ADGRA2: variants seen among roughly 807,000 people sequenced by gnomAD.
ADGRA2 encodes G-protein coupled receptor 124.
In ADGRA2, 61 loss-of-function variants were observed where a neutral mutation model predicts 98.7. The ratio of observed to expected loss-of-function variants is 0.62; its 90% CI spans 0.50 to 0.76. ADGRA2 has a LOEUF of 0.76. ADGRA2 is among the 30% of genes least tolerant of loss of function. ADGRA2 has a pLI of 0.00. For synonymous variants in ADGRA2, 858 were observed against 831.5 expected (o/e 1.03, Z -0.55); for missense variants, 1,712 against 1,860.0 (o/e 0.92, Z 1.46).
Position 37,821,355 on chromosome 8 carries a change from C to T in ADGRA2, c.338+6388C>T, listed in dbSNP as rs118075398. On this transcript the variant is annotated intron_variant, in intron 2 of 18. Transcript: ENST00000412232. The stretch of plus-strand genomic sequence containing the variant: ...GTATATGGCAGGCAGTTCCCTTCCC[C>T]TCTGAAGATTTCCCAGTTGCTAGAT... Among the ~76,000 whole-genome samples the T allele has an allele frequency of 2.8e-3, 423 of 152,316 alleles. 2 individuals are homozygous for T. The highest frequency in any genetic ancestry group is 0.011 in the East Asian group (59 of 5,180).
Position 37,841,908 on chromosome 8 carries a change from C to A in ADGRA2, c.3570C>A (p.His1190Gln), listed in dbSNP as rs1208628336. ...RRAHKSRAKGHRAGEACGKNR... is the reference protein window; with the variant it reads ...RRAHKSRAKGQRAGEACGKNR... ...CGCACAAGAGCCGGGCCAAGGGACA[C>A]CGCGCGGGGGAGGCCTGCGGCAAGA... Residue 1190 changes from histidine (H) to glutamine (Q), a missense_variant, in exon 19 of 19, where the codon CAC becomes CAA. His to Gln is a conservative substitution (Grantham distance 24, BLOSUM62 0). Coordinates refer to ENST00000412232, the MANE Select transcript of ADGRA2 (RefSeq NM_032777.10). The surrounding 1 kb of genome is among the most constrained non-coding windows in gnomAD (Gnocchi z 5.0). 1 of 1,530,700 alleles carries A rather than the reference C, an allele frequency of 6.5e-7. No homozygotes were observed. The highest frequency in any genetic ancestry group is 2.5e-5 in the East Asian group (1 of 40,402). 94.8% of individuals were successfully genotyped at this position (1,530,700 alleles called of 1,614,324 possible).
At chr8:37,812,171 T>TTGG (rs1032137642) in intron 1 of ADGRA2, among the ~76,000 whole-genome samples, 28 of 152,142 alleles carry the variant, frequency 1.8e-4, no homozygotes, top group African/African-American at 6.3e-4. Context: ...GTTGTTGTTG[T>TTGG]TGTTGTTGTT....
intron 1 of ADGRA2, among the ~76,000 whole-genome samples, chr8:37,801,282 C>G (rs1478055717): frequency 6.6e-6 from 1 of 152,208 alleles, no homozygotes; most frequent in African/African-American, 2.4e-5. Context: ...TTCCTGATCC[C>G]TCTGTCCCAC....
chr8:37,817,776 G>A (rs191296144), intron 2 of ADGRA2, among the ~76,000 whole-genome samples: 115 of 152,276 alleles, frequency 7.6e-4, no homozygotes, highest in Admixed American at 5.2e-3. Flanking sequence ...CAGCACTTTG[G>A]GAGGCCATGG....
At chr8:37,815,470 G>A (rs546392998) in intron 2 of ADGRA2, among the ~76,000 whole-genome samples, 1 of 152,346 alleles carries the variant, frequency 6.6e-6, no homozygotes, top group African/African-American at 2.4e-5. Context: ...AGCCGCCTGG[G>A]CAGTGGCAGC....
In ADGRA2 at chr8:37,814,927, C is replaced by T. The variant is rs267601911; in HGVS notation, c.298C>T (p.Arg100Cys). 49 of 1,613,072 alleles carry T rather than the reference C, an allele frequency of 3.0e-5. 1 individual carries two copies. In the South Asian group the frequency reaches 3.6e-4, roughly 12 times the overall value. The change falls in exon 2 of 19, where the codon CGC (arginine) becomes TGC (cysteine). Residue 100 changes from arginine (R) to cysteine (C), a missense_variant. By Grantham distance (180) the Arg-to-Cys change is radical. Coordinates refer to ENST00000412232, the MANE Select transcript of ADGRA2 (RefSeq NM_032777.10). The surrounding 1 kb of genome is among the most constrained non-coding windows in gnomAD (Gnocchi z 4.3). ...LLSNNKITGL[R>C]NGSFLGLSLL... ...GAGCAATAACAAGATCACGGGGCTC[C>T]GCAATGGCTCCTTCCTGGGACTGTC...
At chr8:37,816,909 G>T (rs1804995866) in intron 2 of ADGRA2, among the ~76,000 whole-genome samples, 1 of 140,720 alleles carries the variant, frequency 7.1e-6, no homozygotes, top group Non-Finnish European at 1.5e-5. Context: ...GAGCAAGACT[G>T]TCTCAAAAAG....
intron 1 of ADGRA2, among the ~76,000 whole-genome samples, chr8:37,803,404 G>T (rs1028360541): frequency 2.6e-5 from 4 of 152,190 alleles, no homozygotes; most frequent in African/African-American, 9.7e-5. Context: ...CAGAGAGCAG[G>T]GGCGGGGAGA....
At chr8:37,818,538 G>A (rs1404213797) in intron 2 of ADGRA2, among the ~76,000 whole-genome samples, 2 of 152,258 alleles carry the variant, frequency 1.3e-5, no homozygotes, top group African/African-American at 4.8e-5. Context: ...CGAGTCGTGC[G>A]ATGTAGGAGC....
At position 37,828,975 on chromosome 8, in the gene ADGRA2, T is replaced by C; in HGVS notation, c.410+16T>C. 2 of 1,537,438 alleles carry C rather than the reference T, an allele frequency of 1.3e-6. No homozygotes were observed. The highest frequency in any genetic ancestry group is 8.8e-7 in the Non-Finnish European group (1 of 1,142,192). Reference sequence around the variant, plus strand: ...TGAAGCGTTTGTGAGTGGCACGCCCTCCCCTGACCCCACCCCTCCCCTCCC... The same window carrying C: ...TGAAGCGTTTGTGAGTGGCACGCCCCCCCCTGACCCCACCCCTCCCCTCCC... On this transcript the variant is annotated intron_variant, in intron 3 of 18. Coordinates refer to ENST00000412232, the MANE Select transcript of ADGRA2 (RefSeq NM_032777.10).
chr8:37,811,665 G>A (rs1183091245), intron 1 of ADGRA2, among the ~76,000 whole-genome samples: 16 of 150,384 alleles, frequency 1.1e-4, no homozygotes, highest in African/African-American at 3.4e-4. Flanking sequence ...TGGTAGAGAC[G>A]GGGTTTCGCC....
rs765139370 is a variant in ADGRA2 at position 37,835,684 on chromosome 8, A to G, written c.1964A>G (p.His655Arg). The G allele has an allele frequency of 1.9e-6, 3 of 1,613,398 alleles. No homozygotes were observed. The highest frequency in any genetic ancestry group is 2.2e-5 in the South Asian group (2 of 91,082). ...GTCTTCCGAAATGGCCGCCTCTTCC[A>G]CAGCCACAGCAACACCTCCCGCCCT... ...LLVFRNGRLF[H>R]SHSNTSRPGA... The change falls in exon 13 of 19, where the codon CAC becomes CGC. Residue 655 changes from histidine (H) to arginine (R), a missense_variant. His to Arg is a conservative substitution (Grantham distance 29). Transcript: ENST00000412232.
intron 13 of ADGRA2, among the ~76,000 whole-genome samples, chr8:37,837,396 TTCCC>T (rs1248914681): frequency 2.0e-5 from 3 of 146,852 alleles, no homozygotes; most frequent in Non-Finnish European, 4.5e-5. Context: ...CTGGCTTCTG[TTCCC>T]TCCATCTGCA....
chr8:37,815,055 G>C, intron 2 of ADGRA2, 88 bp downstream of exon 2: 3 of 944,326 alleles, frequency 3.2e-6, no homozygotes, highest in Non-Finnish European at 5.2e-6. Flanking sequence ...GCTGGTCGCT[G>C]AGTGACTCCA....
rs975745383 is a variant in ADGRA2, at chr8:37,844,504, G to A, written c.*2149G>A. On this transcript the variant is annotated 3_prime_UTR_variant, in exon 19 of 19. Coordinates refer to ENST00000412232, the MANE Select transcript of ADGRA2 (RefSeq NM_032777.10). ...GTGGATATCCATCAGGGAGGGTTAGGGACACTCGTGGCAGCCTGTCTAGCA... is the reference window on the plus strand; with the variant it reads ...GTGGATATCCATCAGGGAGGGTTAGAGACACTCGTGGCAGCCTGTCTAGCA... 6 of 1,612,980 alleles carry A rather than the reference G, an allele frequency of 3.7e-6. No homozygotes were observed. Among genetic ancestry groups the A allele is most frequent in the Non-Finnish European group, 5.1e-6 (6 of 1,179,944 alleles).
chr8:37,811,227 T>C (rs1293990684), intron 1 of ADGRA2, among the ~76,000 whole-genome samples: 1 of 126,616 alleles, frequency 7.9e-6, no homozygotes, highest in African/African-American at 3.0e-5. Flanking sequence ...TGGAGTGCAA[T>C]AGCGCGTTCT....
chr8:37,816,596 ACACACACACACACAC>A (rs1804989144), intron 2 of ADGRA2, among the ~76,000 whole-genome samples: 1 of 78,344 alleles, frequency 1.3e-5, no homozygotes, highest in African/African-American at 4.9e-5. Context: ...CGTCTCAAAC[ACACACACACACACAC>A]ACACACACAC....
At chr8:37,818,951 A>C (rs1805055971) in intron 2 of ADGRA2, among the ~76,000 whole-genome samples, 1 of 152,194 alleles carries the variant, frequency 6.6e-6, no homozygotes, top group African/African-American at 2.4e-5. Context: ...AGGCATTGCC[A>C]AGGCCCCTGG....
Position 37,802,271 on chromosome 8 carries a change from A to G in ADGRA2, c.266+4737A>G, listed in dbSNP as rs922836973. 2.2e-4 allele frequency among the ~76,000 whole-genome samples: 33 copies of G among 152,110 alleles called. No individual in the cohort carries two copies. The highest frequency in any genetic ancestry group is 7.9e-4 in the African/African-American group (33 of 41,536). On this transcript the variant is annotated intron_variant, in intron 1 of 18. Coordinates refer to ENST00000412232, the MANE Select transcript of ADGRA2 (RefSeq NM_032777.10). The surrounding 1 kb of genome is among the most constrained non-coding windows in gnomAD (Gnocchi z 4.7). ...GCAAAGTGTGCCAAGCGTCGTGCACATGGCCCGAGGGCAGGACAAGGATGC... is the reference window on the plus strand; with the variant it reads ...GCAAAGTGTGCCAAGCGTCGTGCACGTGGCCCGAGGGCAGGACAAGGATGC...
Sources: allele counts gnomAD v4.1 joint callset (sites outside exome capture counted in the v4.1 genomes callset), GRCh38; gene constraint gnomAD v4.1.1; non-coding constraint Gnocchi (gnomAD v3.1); transcripts MANE v1.5; gene names NCBI Gene and HGNC (gene_info 2026-07-23, HGNC 2026-07-21).